The following CNTN4 variants were observed in gnomAD, a reference collection of about 807,000 sequenced individuals.
The protein encoded by CNTN4 is contactin-4.
In CNTN4, 77 loss-of-function variants were observed where a neutral mutation model predicts 122.5. That is an observed-to-expected ratio of 0.63 (90% CI 0.52 to 0.76). The LOEUF is 0.76. CNTN4 is among the 30% of genes least tolerant of loss of function. The pLI is 0.00. For missense variants in CNTN4, 1,256 were observed against 1,259.1 expected, an observed-to-expected ratio of 1.00 and a Z score of 0.04; for synonymous variants, 512 against 447.0, an observed-to-expected ratio of 1.15 and a Z score of -1.83.
chr3:2,367,545 A>G (rs145717209), intron 3 of CNTN4, among the ~76,000 whole-genome samples: 311 of 152,232 alleles, frequency 2.0e-3, no homozygotes, highest in African/African-American at 5.5e-3. Flanking sequence ...ATTTTTTGAG[A>G]CAGAGTTTTG....
intron 6 of CNTN4, among the ~76,000 whole-genome samples, chr3:2,748,674 G>T (rs1288504734): frequency 6.6e-6 from 1 of 152,154 alleles, no homozygotes; most frequent in Admixed American, 6.5e-5. Flanking sequence ...AAAGTAGTGA[G>T]AATCTTTGCT....
At chr3:2,357,459 C>T (rs759992751) in intron 3 of CNTN4, among the ~76,000 whole-genome samples, 6 of 152,258 alleles carry the variant, frequency 3.9e-5, no homozygotes, top group Admixed American at 6.5e-5. Flanking sequence ...TCACTGCATA[C>T]GTAGCCTTAA....
intron 6 of CNTN4, among the ~76,000 whole-genome samples, chr3:2,776,440 G>A (rs957349593): frequency 2.0e-5 from 3 of 152,012 alleles, no homozygotes; most frequent in African/African-American, 7.3e-5. Context: ...CTCTGAGCCA[G>A]GAATAAGGAA....
intron 3 of CNTN4, among the ~76,000 whole-genome samples, chr3:2,531,002 C>A (rs2077576673): frequency 6.6e-6 from 1 of 152,110 alleles, no homozygotes; most frequent in Non-Finnish European, 1.5e-5. Context: ...GTGCCATCTT[C>A]ATAGATGACT....
chr3:2,771,281 G>A (rs1403137445), intron 6 of CNTN4, among the ~76,000 whole-genome samples: 2 of 152,320 alleles, frequency 1.3e-5, no homozygotes, highest in Non-Finnish European at 2.9e-5. Context: ...TGAGAAGTGG[G>A]TATCTTTAAA....
intron 6 of CNTN4, among the ~76,000 whole-genome samples, chr3:2,749,289 T>G (rs1451615135): frequency 6.6e-6 from 1 of 151,180 alleles, no homozygotes; most frequent in African/African-American, 2.5e-5. Flanking sequence ...GCCTCCAAAG[T>G]AGCTGGGATT....
At chr3:2,410,012 A>G (rs2047174821) in intron 3 of CNTN4, among the ~76,000 whole-genome samples, 1 of 152,220 alleles carries the variant, frequency 6.6e-6, no homozygotes, top group African/African-American at 2.4e-5. Flanking sequence ...GGGAATGTTA[A>G]TAGAAATTAG....
intron 14 of CNTN4, among the ~76,000 whole-genome samples, chr3:3,025,095 C>T (rs1040660760): frequency 6.6e-6 from 1 of 152,266 alleles, no homozygotes; most frequent in African/African-American, 2.4e-5. Flanking sequence ...CTGCTTCTCA[C>T]TAGTGTACTC....
At chr3:2,778,793 T>G (rs148767321) in intron 6 of CNTN4, among the ~76,000 whole-genome samples, 1 of 152,244 alleles carries the variant, frequency 6.6e-6, no homozygotes, top group East Asian at 1.9e-4. Context: ...TAATGAGAAT[T>G]CTTTAGGGCT....
At chr3:2,584,183 G>A (rs1359626666) in intron 4 of CNTN4, among the ~76,000 whole-genome samples, 1 of 152,010 alleles carries the variant, frequency 6.6e-6, no homozygotes, top group Non-Finnish European at 1.5e-5. Flanking sequence ...TCTCTTTATC[G>A]CTGAGCTCCA....
intron 13 of CNTN4, among the ~76,000 whole-genome samples, chr3:2,966,212 C>T (rs956407133): frequency 3.3e-5 from 5 of 152,010 alleles, no homozygotes; most frequent in Middle Eastern, 3.4e-3. Context: ...GTTAACTGTT[C>T]GGGAATCTCA....
chr3:2,299,318 T>C (rs1412376530), intron 2 of CNTN4, among the ~76,000 whole-genome samples: 1 of 152,180 alleles, frequency 6.6e-6, no homozygotes, highest in Non-Finnish European at 1.5e-5. Flanking sequence ...TGGATGCTAA[T>C]GAAAACAAAC....
At chr3:2,476,479 A>C (rs766195695) in intron 3 of CNTN4, among the ~76,000 whole-genome samples, 1 of 152,202 alleles carries the variant, frequency 6.6e-6, no homozygotes, top group Non-Finnish European at 1.5e-5. Context: ...ACAATGTTAT[A>C]CTGTTCAGCA....
At chr3:2,502,860 T>C (rs1005978991) in intron 3 of CNTN4, among the ~76,000 whole-genome samples, 3 of 152,150 alleles carry the variant, frequency 2.0e-5, no homozygotes, top group African/African-American at 7.2e-5. Context: ...TAACAGTGCT[T>C]TTATTATGAT....
intron 2 of CNTN4, among the ~76,000 whole-genome samples, chr3:2,186,788 T>C (rs1259694667): frequency 6.6e-6 from 1 of 152,230 alleles, no homozygotes; most frequent in South Asian, 2.1e-4. Context: ...GTTTTTTTCT[T>C]ATAAGTTTGT....
At chr3:2,244,048 A>C (rs574995815) in intron 2 of CNTN4, among the ~76,000 whole-genome samples, 1 of 152,200 alleles carries the variant, frequency 6.6e-6, no homozygotes, top group South Asian at 2.1e-4. Flanking sequence ...TCCATAGCCC[A>C]TACCACAACT....
At chr3:2,134,318 C>G (rs367557746) in intron 2 of CNTN4, among the ~76,000 whole-genome samples, 5 of 152,150 alleles carry the variant, frequency 3.3e-5, no homozygotes, top group Non-Finnish European at 7.3e-5. Context: ...GTGTGCTGAA[C>G]GAGTCTCCTA....
rs1013303182 is a variant in CNTN4, at chr3:2,567,097, T to A, written c.-88-4319T>A. On this transcript the variant is annotated intron_variant, in intron 3 of 24. Coordinates refer to ENST00000418658, the MANE Select transcript of CNTN4 (RefSeq NM_175607.3). The stretch of plus-strand genomic sequence containing the variant: ...AAGTCCAGAATTTTTTTTTTTTTTC[T>A]TTTTTTCAGACGGAGTCTTGCTCAT... Among the ~76,000 whole-genome samples, 34 of 42,366 alleles carry A rather than the reference T, an allele frequency of 8.0e-4. No homozygotes were observed. In the Middle Eastern group the frequency reaches 0.05, roughly 62 times the overall value. 27.8% of individuals were successfully genotyped at this position (42,366 alleles called of 152,430 possible).
rs1476426241 is a variant in CNTN4, at chr3:2,615,246, A to T, written c.55+43688A>T. Among the ~76,000 whole-genome samples the T allele has an allele frequency of 2.0e-5, 3 of 152,234 alleles. No individual in the cohort carries two copies. The East Asian group carries it at 5.8e-4, about 29-fold the overall frequency. On this transcript the variant is annotated intron_variant, in intron 4 of 24. Transcript: ENST00000418658. ...AAAGCAAGCATTACAGCCATTTATA[A>T]CAGGGTATTGCATAAGTTGCTAATC...
Sources: gnomAD v4.1 joint callset for allele counts (sites outside exome capture counted in the v4.1 genomes callset) on GRCh38, gnomAD v4.1.1 for gene constraint, MANE v1.5 for transcripts, NCBI Gene and HGNC (gene_info 2026-07-23, HGNC 2026-07-21) for gene names.